Variants in SLC25A26 observed in about 807,000 individuals in gnomAD.
SLC25A26 encodes solute carrier family 25 member 26.
Under a neutral mutation model 37.8 loss-of-function variants are expected in SLC25A26, and 36 were observed. The ratio of observed to expected loss-of-function variants is 0.95; its 90% CI spans 0.73 to 1.26. The LOEUF (loss-of-function observed/expected upper bound fraction) is 1.26, where lower values mean the gene tolerates loss of function less well. Among genes scored for constraint, SLC25A26 ranks in the 50% most tolerant of loss-of-function variants. SLC25A26 has a pLI of 0.00. For missense variants in SLC25A26, 390 were observed against 331.1 expected (o/e 1.18, Z -1.38); for synonymous variants, 129 against 122.5 (o/e 1.05, Z -0.35).
intron 5 of SLC25A26, among the ~76,000 whole-genome samples, chr3:66,341,114 T>G (rs1262869603): frequency 6.6e-6 from 1 of 152,124 alleles, no homozygotes; most frequent in African/African-American, 2.4e-5. Context: ...TTCAACACAA[T>G]GTTGAATAGA....
At position 66,369,543 on chromosome 3, in the gene SLC25A26, GT is replaced by G. The variant is rs768018446; in HGVS notation, c.633+2del. 7.5e-6 allele frequency: 12 copies of G among 1,592,848 alleles called. No individual in the cohort carries two copies. Among genetic ancestry groups the G allele is most frequent in the Non-Finnish European group, 9.4e-6 (11 of 1,168,840 alleles). On this transcript the variant is annotated splice_donor_variant, in intron 8 of 9. Coordinates refer to ENST00000354883, the MANE Select transcript of SLC25A26 (RefSeq NM_001379210.1). LOFTEE classifies it high-confidence loss of function. The stretch of plus-strand genomic sequence containing the variant: ...AAAGACAAGAATTACGCTGGCAAAG[GT>G]AAGTGGTGAAATAATGTAATGGAGA...
chr3:66,266,224 GAGA>G (rs1318174780), intron 5 of SLC25A26, among the ~76,000 whole-genome samples: 2 of 152,218 alleles, frequency 1.3e-5, no homozygotes, highest in African/African-American at 4.8e-5. Context: ...GATAGAATGA[GAGA>G]AGAATTATTG....
intron 1 of SLC25A26, among the ~76,000 whole-genome samples, chr3:66,236,002 C>T (rs1044758236): frequency 3.3e-5 from 5 of 152,166 alleles, no homozygotes; most frequent in Non-Finnish European, 7.3e-5. Flanking sequence ...CCCTTGAACT[C>T]CTAGGCTCAA....
chr3:66,187,961 A>G (rs1319822569), intron 1 of SLC25A26, among the ~76,000 whole-genome samples: 2 of 151,922 alleles, frequency 1.3e-5, no homozygotes, highest in Non-Finnish European at 2.9e-5. Context: ...CTCACCACAT[A>G]CCTGATATTG....
intron 1 of SLC25A26, among the ~76,000 whole-genome samples, chr3:66,194,862 A>G (rs1488283106): frequency 6.6e-6 from 1 of 152,104 alleles, no homozygotes; most frequent in Non-Finnish European, 1.5e-5. Context: ...CGGCCTCCCA[A>G]AGTGCTGGGA....
chr3:66,371,376 A>C (rs1365419844), intron 9 of SLC25A26: 2 of 1,529,712 alleles, frequency 1.3e-6, no homozygotes, highest in Non-Finnish European at 1.8e-6. Flanking sequence ...TGGCAGTTTT[A>C]ATCTCAGCTA....
intron 7 of SLC25A26, among the ~76,000 whole-genome samples, chr3:66,368,627 A>T (rs991683756): frequency 2.0e-5 from 3 of 152,218 alleles, no homozygotes; most frequent in African/African-American, 7.2e-5. Flanking sequence ...CCAGCCATGT[A>T]TACCCAAAAT....
intron 5 of SLC25A26, among the ~76,000 whole-genome samples, chr3:66,281,589 A>G (rs1360584219): frequency 6.6e-6 from 1 of 152,142 alleles, no homozygotes; most frequent in Admixed American, 6.5e-5. Context: ...AGCCTAATTG[A>G]GTTAGAATTC....
intron 5 of SLC25A26, among the ~76,000 whole-genome samples, chr3:66,345,501 T>A (rs1167943470): frequency 7.0e-6 from 1 of 142,694 alleles, no homozygotes; most frequent in Non-Finnish European, 1.5e-5. Context: ...TCTGCCCCCC[T>A]ACCCTCTACC....
chr3:66,273,172 G>A lies in SLC25A26; in HGVS notation c.453+9793G>A, dbSNP rs147106556. Among the ~76,000 whole-genome samples the A allele has an allele frequency of 3.1e-3, 468 of 152,072 alleles. 4 individuals are homozygous for A. The highest frequency in any genetic ancestry group is 0.017 in the East Asian group (89 of 5,168). On this transcript the variant is annotated intron_variant, in intron 5 of 9. Transcript: ENST00000354883. ...TTGATCATGGTGGATAAGCTTTTTG[G>A]TGTGCTGCTGGATTCGGTTTGCCAG... is the stretch of plus-strand genomic sequence containing the variant.
chr3:66,315,864 T>A (rs2075524439), intron 5 of SLC25A26, among the ~76,000 whole-genome samples: 1 of 152,218 alleles, frequency 6.6e-6, no homozygotes, highest in Non-Finnish European at 1.5e-5. Flanking sequence ...TACCATCATG[T>A]AATGCCCTTT....
At chr3:66,349,263 A>G (rs949953974) in intron 6 of SLC25A26, among the ~76,000 whole-genome samples, 5 of 152,170 alleles carry the variant, frequency 3.3e-5, no homozygotes, top group Non-Finnish European at 7.3e-5. Context: ...AACGCTTTAC[A>G]TATGATAAAA....
upstream of SLC25A26, among the ~76,000 whole-genome samples, chr3:66,218,227 T>G (rs1281648781): frequency 6.6e-6 from 1 of 152,228 alleles, no homozygotes; most frequent in Non-Finnish European, 1.5e-5. Context: ...ATAATATGTT[T>G]ATACCACCAG....
chr3:66,370,186 A>T (rs867404716), intron 8 of SLC25A26, among the ~76,000 whole-genome samples: 3 of 152,244 alleles, frequency 2.0e-5, no homozygotes, highest in African/African-American at 7.2e-5. Flanking sequence ...CTGCTTATGC[A>T]GGTTTCATAG....
chr3:66,203,381 CA>C (rs1480332348), intron 1 of SLC25A26, among the ~76,000 whole-genome samples: 4 of 143,748 alleles, frequency 2.8e-5, no homozygotes, highest in African/African-American at 1.0e-4. Flanking sequence ...GACCCTGTCT[CA>C]AAAAAAGGAA....
At chr3:66,370,669 G>C (rs572360207) in intron 9 of SLC25A26, 67 bp downstream of exon 9, 1 of 1,251,730 alleles carries the variant, frequency 8.0e-7, no homozygotes, top group South Asian at 1.3e-5. Context: ...GCCTAACTTT[G>C]GATGAACACC....
At chr3:66,162,803 A>G (rs560037727) in intron 1 of SLC25A26, among the ~76,000 whole-genome samples, 44 of 152,362 alleles carry the variant, frequency 2.9e-4, no homozygotes, top group Non-Finnish European at 5.9e-4. Context: ...GGATAATAAG[A>G]TTCCCTGCAC....
At chr3:66,371,497 G>T (rs1381925565) in intron 9 of SLC25A26, 1 of 1,365,664 alleles carries the variant, frequency 7.3e-7, no homozygotes, top group African/African-American at 1.5e-5. Flanking sequence ...TGAAAAGTAG[G>T]TGATATTGGA....
intron 9 of SLC25A26, among the ~76,000 whole-genome samples, chr3:66,377,320 C>T (rs1383229260): frequency 6.6e-6 from 1 of 151,972 alleles, no homozygotes; most frequent in South Asian, 2.1e-4. Flanking sequence ...TTTGGGGTCT[C>T]GAAGGACAAA....
Sources: allele counts gnomAD v4.1 joint callset (sites outside exome capture counted in the v4.1 genomes callset), GRCh38; gene constraint gnomAD v4.1.1; transcripts MANE v1.5; gene names NCBI Gene and HGNC (gene_info 2026-07-23, HGNC 2026-07-21).